The following PARD3 variants were observed in gnomAD, a reference collection of about 807,000 sequenced individuals.
The protein encoded by PARD3 is partitioning defective 3 homolog.
PARD3 carries 75 observed loss-of-function variants against 155.4 expected under a neutral mutation model. That is an observed-to-expected ratio of 0.48 (90% CI 0.40 to 0.58). The LOEUF is 0.58. PARD3 is among the 20% of genes least tolerant of loss of function. The probability of loss-of-function intolerance (pLI) is 0.00; values close to 1 mark genes in which losing one functional copy is unlikely to be tolerated. For missense variants in PARD3, 1,642 were observed against 1,721.7 expected, an observed-to-expected ratio of 0.95 and a Z score of 0.82; for synonymous variants, 576 against 610.5, an observed-to-expected ratio of 0.94 and a Z score of 0.83.
intron 1 of PARD3, among the ~76,000 whole-genome samples, chr10:34,774,080 A>G (rs1167471333): frequency 2.6e-5 from 4 of 152,332 alleles, no homozygotes; most frequent in Admixed American, 2.6e-4. Context: ...CAGTGATAAA[A>G]ATGGACTATC....
chr10:34,332,008 T>A (rs1332753778), intron 18 of PARD3, among the ~76,000 whole-genome samples: 1 of 152,114 alleles, frequency 6.6e-6, no homozygotes, highest in African/African-American at 2.4e-5. Context: ...AAGGGCTCTC[T>A]CTCAGAGGGA....
At chr10:34,645,316 A>AT (rs1215164299) in intron 2 of PARD3, among the ~76,000 whole-genome samples, 3 of 151,784 alleles carry the variant, frequency 2.0e-5, no homozygotes, top group African/African-American at 4.8e-5. Context: ...AGAGATTCTC[A>AT]TGCCTCAGCC....
intron 5 of PARD3, among the ~76,000 whole-genome samples, chr10:34,428,578 C>A (rs1184626305): frequency 6.6e-6 from 1 of 152,148 alleles, no homozygotes; most frequent in South Asian, 2.1e-4. Context: ...CAAATTAATT[C>A]TTCAAAATAC....
chr10:34,198,068 GT>G (rs1334000318), intron 22 of PARD3, among the ~76,000 whole-genome samples: 1 of 152,184 alleles, frequency 6.6e-6, no homozygotes, highest in Non-Finnish European at 1.5e-5. Context: ...GTGAAAAATG[GT>G]TTTCGGACCT....
chr10:34,602,193 G>A (rs562966853), intron 2 of PARD3, among the ~76,000 whole-genome samples: 6 of 152,092 alleles, frequency 3.9e-5, no homozygotes, highest in African/African-American at 1.4e-4. Flanking sequence ...AAACTGCAAC[G>A]CTGTTATTCA....
chr10:34,550,742 T>C (rs1241374860), intron 2 of PARD3, among the ~76,000 whole-genome samples: 1 of 152,262 alleles, frequency 6.6e-6, no homozygotes, highest in Admixed American at 6.5e-5. Flanking sequence ...CGTTGTGCTC[T>C]TTTAACTATT....
intron 1 of PARD3, among the ~76,000 whole-genome samples, chr10:34,805,063 A>C (rs371351981): frequency 6.0e-4 from 91 of 152,340 alleles, no homozygotes; most frequent in African/African-American, 2.2e-3. Context: ...GGTACAATCA[A>C]CAAAAAGGGA....
intron 5 of PARD3, among the ~76,000 whole-genome samples, chr10:34,416,412 A>G (rs1336739481): frequency 1.3e-5 from 2 of 152,204 alleles, no homozygotes; most frequent in Admixed American, 6.5e-5. Flanking sequence ...TGCAGAGAAC[A>G]TCACTAACAA....
intron 4 of PARD3, among the ~76,000 whole-genome samples, chr10:34,463,201 A>AAAGGGGAAGGGAAAGAAAAGGGG (rs1315278966): frequency 1.7e-5 from 2 of 120,918 alleles, no homozygotes; most frequent in African/African-American, 6.2e-5. Context: ...AAGGGGAAGG[A>AAAGGGGAAGGGAAAGAAAAGGGG]AAGGGGAAGG....
chr10:34,254,086 T>A (rs550715955), intron 22 of PARD3, among the ~76,000 whole-genome samples: 1 of 152,120 alleles, frequency 6.6e-6, no homozygotes, highest in Non-Finnish European at 1.5e-5. Context: ...ACAAACAAAC[T>A]AAAAAAATTT....
At chr10:34,807,052 C>T (rs1843489237) in intron 1 of PARD3, among the ~76,000 whole-genome samples, 1 of 152,262 alleles carries the variant, frequency 6.6e-6, no homozygotes, top group East Asian at 1.9e-4. Flanking sequence ...AGGTAGCTGG[C>T]GAGCTGGGTA....
At position 34,315,046 on chromosome 10, in the gene PARD3, G is replaced by GA. The variant is rs1242899882; in HGVS notation, c.3065+2060dup. 6.6e-5 allele frequency among the ~76,000 whole-genome samples: 10 copies of GA among 150,620 alleles called. No homozygotes were observed. The East Asian group carries it at 7.8e-4, about 12-fold the overall frequency. ...AGAATATCAGCCTAATTTTTAGGGG[G>GA]AAAAAAAAACCTTCAGCCCCTGCAC... On this transcript the variant is annotated intron_variant, in intron 20 of 24. Coordinates refer to ENST00000374788, the MANE Select transcript of PARD3 (RefSeq NM_001184785.2).
At chr10:34,471,329 C>A (rs1252981412) in intron 3 of PARD3, among the ~76,000 whole-genome samples, 3 of 152,112 alleles carry the variant, frequency 2.0e-5, no homozygotes, top group African/African-American at 7.2e-5. Flanking sequence ...TGAGAACAGC[C>A]TGGCAAATAG....
intron 3 of PARD3, among the ~76,000 whole-genome samples, chr10:34,474,037 C>G (rs1297523876): frequency 6.6e-6 from 1 of 152,140 alleles, no homozygotes; most frequent in Non-Finnish European, 1.5e-5. Flanking sequence ...CTCACATGTC[C>G]TGCATCAGTC....
At chr10:34,437,255 C>T (rs1198340011) in intron 5 of PARD3, among the ~76,000 whole-genome samples, 1 of 152,014 alleles carries the variant, frequency 6.6e-6, no homozygotes, top group Non-Finnish European at 1.5e-5. Context: ...TCCTCTATAG[C>T]CTGTATGGGG....
intron 22 of PARD3, among the ~76,000 whole-genome samples, chr10:34,169,577 T>G (rs1324502003): frequency 6.6e-6 from 1 of 152,094 alleles, no homozygotes; most frequent in Non-Finnish European, 1.5e-5. Context: ...AAAATGGGCA[T>G]GTGGGGATTT....
chr10:34,402,680 T>A (rs947623766), intron 5 of PARD3, among the ~76,000 whole-genome samples: 1 of 152,208 alleles, frequency 6.6e-6, no homozygotes, highest in Non-Finnish European at 1.5e-5. Flanking sequence ...TTGTACAAAT[T>A]GCTCCAATGT....
chr10:34,277,136 T>G (rs1192251457), intron 21 of PARD3, among the ~76,000 whole-genome samples: 2 of 152,190 alleles, frequency 1.3e-5, no homozygotes, highest in Admixed American at 1.3e-4. Context: ...TCCAACAGTA[T>G]TTCTTCTCTC....
chr10:34,303,708 T>C (rs948083121), intron 20 of PARD3, among the ~76,000 whole-genome samples: 1 of 151,938 alleles, frequency 6.6e-6, no homozygotes, highest in Non-Finnish European at 1.5e-5. Flanking sequence ...AGACAGGTGA[T>C]GCTGAGCTTG....
Sources: gnomAD v4.1 joint callset for allele counts (sites outside exome capture counted in the v4.1 genomes callset) on GRCh38, gnomAD v4.1.1 for gene constraint, MANE v1.5 for transcripts, NCBI Gene and HGNC (gene_info 2026-07-23, HGNC 2026-07-21) for gene names.